The following STX8 variants were observed in gnomAD, a reference collection of about 807,000 sequenced individuals.
STX8 encodes the protein syntaxin 8, also known as syntaxin-8.
A neutral mutation model predicts 37.5 loss-of-function variants in STX8; 23 were observed. The ratio of observed to expected loss-of-function variants is 0.61; its 90% confidence interval spans 0.44 to 0.87. The LOEUF (loss-of-function observed/expected upper bound fraction) is 0.87, where lower values mean the gene tolerates loss of function less well. STX8 is among the 40% of genes least tolerant of loss of function. STX8 has a pLI of 0.00. For synonymous variants in STX8, 115 were observed against 99.1 expected (o/e 1.16, Z -0.95); for missense variants, 313 against 284.7 (o/e 1.10, Z -0.71).
At chr17:9,496,195 C>T (rs1248509975) in intron 5 of STX8, among the ~76,000 whole-genome samples, 1 of 151,954 alleles carries the variant, frequency 6.6e-6, no homozygotes, top group African/African-American at 2.4e-5. Flanking sequence ...CCTGTCTCCG[C>T]CTCCCCAGTG....
chr17:9,294,339 G>A (rs1908436033), intron 7 of STX8, among the ~76,000 whole-genome samples: 1 of 152,236 alleles, frequency 6.6e-6, no homozygotes, highest in Non-Finnish European at 1.5e-5. Flanking sequence ...CCCTTACTAT[G>A]TGCAAAACCC....
At chr17:9,312,191 G>C (rs1263633262) in intron 7 of STX8, among the ~76,000 whole-genome samples, 2 of 148,996 alleles carry the variant, frequency 1.3e-5, no homozygotes, top group African/African-American at 4.9e-5. Context: ...ATAAGCATGA[G>C]ACTCTTTTTT....
chr17:9,500,148 G>A (rs766554017), intron 5 of STX8, among the ~76,000 whole-genome samples: 2 of 152,078 alleles, frequency 1.3e-5, no homozygotes, highest in Admixed American at 6.6e-5. Context: ...AGAGAGTCAC[G>A]GTGTTTCACT....
intron 5 of STX8, among the ~76,000 whole-genome samples, chr17:9,502,456 T>C (rs545386020): frequency 7.2e-5 from 11 of 152,332 alleles, no homozygotes; most frequent in African/African-American, 2.4e-4. Context: ...CATAAATAAA[T>C]ATGCATGTGA....
intron 4 of STX8, among the ~76,000 whole-genome samples, chr17:9,512,285 G>A (rs1011787302): frequency 6.6e-6 from 1 of 151,964 alleles, no homozygotes; most frequent in Non-Finnish European, 1.5e-5. Flanking sequence ...AGAGACAAGC[G>A]ATCCTAAGCA....
chr17:9,280,313 T>C (rs538808478), intron 7 of STX8, among the ~76,000 whole-genome samples: 23 of 152,260 alleles, frequency 1.5e-4, no homozygotes, highest in African/African-American at 5.5e-4. Flanking sequence ...TAATCCCAGA[T>C]CTTTGGGAGA....
At chr17:9,490,813 G>C (rs903748960) in intron 6 of STX8, among the ~76,000 whole-genome samples, 1 of 152,186 alleles carries the variant, frequency 6.6e-6, no homozygotes, top group Non-Finnish European at 1.5e-5. Flanking sequence ...GTTAGAATCA[G>C]AAGACCTGAG....
chr17:9,515,667 T>C (rs1211709404), intron 4 of STX8, among the ~76,000 whole-genome samples: 2 of 152,100 alleles, frequency 1.3e-5, no homozygotes, highest in Non-Finnish European at 2.9e-5. Context: ...GGACTACAGG[T>C]GCGTGCCTCT....
intron 4 of STX8, among the ~76,000 whole-genome samples, chr17:9,509,757 T>C (rs1904964146): frequency 6.9e-6 from 1 of 144,534 alleles, no homozygotes; most frequent in African/African-American, 2.9e-5. Context: ...AATGACAAGA[T>C]AAGTCCTCAC....
At position 9,480,391 on chromosome 17, in the gene STX8, T is replaced by C. The variant is rs73973773; in HGVS notation, c.541+11438A>G. Among the ~76,000 whole-genome samples the C allele has an allele frequency of 2.5e-3, 376 of 152,020 alleles. 2 individuals are homozygous for C. Among genetic ancestry groups the C allele is most frequent in the African/African-American group, 8.6e-3 (355 of 41,286 alleles). On this transcript the variant is annotated intron_variant, in intron 6 of 7. Transcript: ENST00000306357. ...TTTTTCTTATTAGGAAAAGAAAAAG[T>C]TTATTTAATCTAGATTAAAGGATAG...
chr17:9,478,463 C>T (rs765487848), intron 6 of STX8, among the ~76,000 whole-genome samples: 5 of 152,124 alleles, frequency 3.3e-5, no homozygotes, highest in Admixed American at 6.6e-5. Context: ...GGCCGACTTA[C>T]GGTCTTTTGT....
At chr17:9,526,677 C>T (rs901286609) in intron 4 of STX8, among the ~76,000 whole-genome samples, 4 of 152,126 alleles carry the variant, frequency 2.6e-5, no homozygotes, top group Non-Finnish European at 4.4e-5. Context: ...CAAGAACAGC[C>T]TGGCCAACAT....
chr17:9,398,188 G>A (rs1235566796), intron 6 of STX8, among the ~76,000 whole-genome samples: 1 of 152,116 alleles, frequency 6.6e-6, no homozygotes, highest in East Asian at 1.9e-4. Context: ...GAGTAACTTC[G>A]AGGTGGAGAA....
chr17:9,293,929 T>A (rs929354363), intron 7 of STX8, among the ~76,000 whole-genome samples: 1 of 78,054 alleles, frequency 1.3e-5, no homozygotes, highest in Non-Finnish European at 2.3e-5. Flanking sequence ...GCCTGGCTAA[T>A]TTTTTTTTTG....
chr17:9,527,104 G>A (rs560713205), intron 4 of STX8, among the ~76,000 whole-genome samples: 21 of 140,214 alleles, frequency 1.5e-4, no homozygotes, highest in Admixed American at 3.1e-4. Context: ...GCGTGAACCC[G>A]GGAAGCGGAG....
At chr17:9,497,417 T>C (rs146662921) in intron 5 of STX8, among the ~76,000 whole-genome samples, 9 of 152,338 alleles carry the variant, frequency 5.9e-5, no homozygotes, top group African/African-American at 2.2e-4. Context: ...ATTTCAGATA[T>C]ATATTCTCAA....
chr17:9,341,401 G>C (rs750564044), intron 7 of STX8, among the ~76,000 whole-genome samples: 3 of 152,284 alleles, frequency 2.0e-5, no homozygotes, highest in Non-Finnish European at 2.9e-5. Context: ...AATTGGCATA[G>C]AGGGAAAGTA....
At chr17:9,357,329 T>C (rs1352258309) in intron 7 of STX8, among the ~76,000 whole-genome samples, 1 of 152,092 alleles carries the variant, frequency 6.6e-6, no homozygotes, top group African/African-American at 2.4e-5. Context: ...ATACCTAGTA[T>C]GGTTATTCTT....
intron 6 of STX8, among the ~76,000 whole-genome samples, chr17:9,449,361 C>T (rs1904958916): frequency 1.3e-5 from 2 of 152,164 alleles, no homozygotes; most frequent in South Asian, 4.1e-4. Context: ...GAGATCGAGA[C>T]CACCCTGGCT....
Sources: gnomAD v4.1 joint callset for allele counts (sites outside exome capture counted in the v4.1 genomes callset) on GRCh38, gnomAD v4.1.1 for gene constraint, MANE v1.5 for transcripts, NCBI Gene and HGNC (gene_info 2026-07-23, HGNC 2026-07-21) for gene names.